The following CASP4 variants were observed in gnomAD, a reference collection of about 807,000 sequenced individuals.
The protein encoded by CASP4 is caspase 4.
CASP4 carries 29 observed loss-of-function variants against 41.3 expected under a neutral mutation model. The observed-to-expected ratio is 0.70, with a 90% CI of 0.52 to 0.96. The LOEUF (loss-of-function observed/expected upper bound fraction) is 0.96. CASP4 is among the 40% of genes least tolerant of loss of function. CASP4 has a pLI of 0.00. For missense variants in CASP4, 447 were observed against 460.6 expected, an observed-to-expected ratio of 0.97 and a Z score of 0.27; for synonymous variants, 185 against 158.4, an observed-to-expected ratio of 1.17 and a Z score of -1.26.
In CASP4 at chr11:104,952,759, A is replaced by G. The variant is rs556677579; in HGVS notation, c.263-754T>C. ...AAATGAACTTCAATTATCCCTGTGCAAATTGTAAAGCCAGCTATTTGTAAA... is the reference window on the plus strand; with the variant it reads ...AAATGAACTTCAATTATCCCTGTGCGAATTGTAAAGCCAGCTATTTGTAAA... On this transcript the variant is annotated intron_variant, in intron 2 of 8. Transcript: ENST00000444739. 3.1e-3 allele frequency among the ~76,000 whole-genome samples: 466 copies of G among 152,304 alleles called. 11 individuals are homozygous for G. The highest frequency in any genetic ancestry group is 5.6e-4 in the Non-Finnish European group (38 of 68,026).
intron 1 of CASP4, 112 bp downstream of exon 1, chr11:104,968,407 A>C: frequency 1.1e-6 from 1 of 938,680 alleles, no homozygotes; most frequent in Non-Finnish European, 1.7e-6. Flanking sequence ...TAAGAAAAGG[A>C]ATTCAACATG....
At position 104,951,099 on chromosome 11, in the gene CASP4, C is replaced by T; in HGVS notation, c.373-1G>A. 6.2e-7 allele frequency: 1 copy of T among 1,611,710 alleles called. No homozygotes were observed. The highest frequency in any genetic ancestry group is 2.2e-5 in the East Asian group (1 of 44,844). ...TGTTTCTCTCCTTTATTGGATAGAT[C>T]TGCAGGATATGGAGATGCAATAAAT... is the stretch of plus-strand genomic sequence containing the variant. On this transcript the variant is annotated splice_acceptor_variant, in intron 3 of 8. Coordinates refer to ENST00000444739, the MANE Select transcript of CASP4 (RefSeq NM_001225.4). LOFTEE classifies it high-confidence loss of function.
At chr11:104,968,016 A>G (rs1165952732) in intron 1 of CASP4, among the ~76,000 whole-genome samples, 1 of 152,196 alleles carries the variant, frequency 6.6e-6, no homozygotes, top group Non-Finnish European at 1.5e-5. Context: ...CCCATGAAAT[A>G]TTATATTAAA....
intron 1 of CASP4, among the ~76,000 whole-genome samples, chr11:104,965,258 A>G (rs1378600197): frequency 2.0e-5 from 3 of 152,214 alleles, no homozygotes; most frequent in Non-Finnish European, 4.4e-5. Context: ...TAGCAAAACT[A>G]CAGAGGAGAG....
intron 1 of CASP4, among the ~76,000 whole-genome samples, chr11:104,964,838 A>G (rs926212288): frequency 6.6e-6 from 1 of 152,224 alleles, no homozygotes; most frequent in Non-Finnish European, 1.5e-5. Context: ...ATTGGCTCTT[A>G]AAAAGTCTTA....
rs1405190654 is a variant in CASP4 at position 104,954,852 on chromosome 11, T to C, written c.157A>G (p.Lys53Glu). 2 of 1,613,928 alleles carry C rather than the reference T, an allele frequency of 1.2e-6. No homozygotes were observed. Among genetic ancestry groups the C allele is most frequent in the South Asian group, 2.2e-5 (2 of 91,076 alleles). ...ATAGAGTCTGCCATGACCCGAACTT[T>C]GTCTTCAGTTTTAGCATCGTAATAT... The part of the protein sequence containing the change: ...KKYYDAKTED[K>E]VRVMADSMQE... Residue 53 changes from lysine (K) to glutamate (E), a missense_variant, in exon 2 of 9, where the codon AAA (lysine) becomes GAA (glutamate). By Grantham distance (56) the Lys-to-Glu change is moderately conservative (BLOSUM62 1). Coordinates refer to ENST00000444739, the MANE Select transcript of CASP4 (RefSeq NM_001225.4).
rs1219048301 is a variant in CASP4, at chr11:104,947,160, A to AT, written c.957_958insA (p.Ser320IlefsTer32). 1 of 1,612,646 alleles carries AT rather than the reference A, an allele frequency of 6.2e-7. No individual in the cohort carries two copies. Among genetic ancestry groups the AT allele is most frequent in the Non-Finnish European group, 8.5e-7 (1 of 1,178,898 alleles). ...GTGATGAGTTGTGTGATGAAGATAG[A>AT]GCCCATTGTGCTGTCTCTCCAGGAC... is the stretch of plus-strand genomic sequence containing the variant. On this transcript the variant is annotated frameshift_variant, in exon 7 of 9. Transcript: ENST00000444739. LOFTEE classifies it high-confidence loss of function.
chr11:104,944,782 T>G lies in CASP4; in HGVS notation c.1105A>C (p.Arg369=). Residue 369 remains arginine (R), a synonymous_variant, in exon 8 of 9, where the codon AGA becomes CGA. Coordinates refer to ENST00000444739, the MANE Select transcript of CASP4 (RefSeq NM_001225.4). ...TTGCCAGGAAAGAGGTAGAAATATC[T>G]TGTCATGGACAGTCGTTCTATGGTG... The part of the protein sequence containing the change: ...MPTIERLSMT[R]YFYLFPGN The G allele has an allele frequency of 1.2e-6, 2 of 1,612,910 alleles. No homozygotes were observed. Among genetic ancestry groups the G allele is most frequent in the Admixed American group, 3.3e-5 (2 of 59,978 alleles).
At chr11:104,956,779 A>T in intron 1 of CASP4, 2 of 227,428 alleles carry the variant, frequency 8.8e-6, no homozygotes, top group African/African-American at 2.3e-5. Context: ...CAGTACACAG[A>T]TTAGTGTGTG....
chr11:104,965,935 C>T (rs1351104236), intron 1 of CASP4, among the ~76,000 whole-genome samples: 1 of 152,168 alleles, frequency 6.6e-6, no homozygotes, highest in East Asian at 1.9e-4. Context: ...CCATCACACC[C>T]AGGAAGAGAA....
rs565815070 is a variant in CASP4, at chr11:104,951,935, A to G, written c.333T>C (p.His111=). 13 of 1,612,348 alleles carry G rather than the reference A, an allele frequency of 8.1e-6. No homozygotes were observed. The East Asian group carries it at 2.9e-4, about 36-fold the overall frequency. Residue 111 remains histidine, a synonymous_variant, in exon 3 of 9, where the codon CAT becomes CAC. Coordinates refer to ENST00000444739, the MANE Select transcript of CASP4 (RefSeq NM_001225.4). The stretch of plus-strand genomic sequence containing the variant: ...CTTTACATAGTCTCAGGAATTCTTC[A>G]TGAGGACAAAGCTTGAGGGCATCTG... The part of the protein sequence containing the change: ...ESTDALKLCP[H]EEFLRLCKER...
intron 1 of CASP4, among the ~76,000 whole-genome samples, chr11:104,965,065 T>G (rs1860943087): frequency 6.6e-6 from 1 of 152,198 alleles, no homozygotes. Context: ...AGAAAACATA[T>G]AATATACCCA....
rs571102522 is a variant in CASP4, at chr11:104,965,391, C to T, written c.7+3128G>A. ...GTTCACTCTAATTTCCACTATGTCT[C>T]CTGTCAGCAGGAAGAAGCCAGAGTG... On this transcript the variant is annotated intron_variant, in intron 1 of 8. Transcript: ENST00000444739. 3.3e-5 allele frequency among the ~76,000 whole-genome samples: 5 copies of T among 152,320 alleles called. No individual in the cohort carries two copies. The East Asian group carries it at 9.7e-4, about 29-fold the overall frequency.
chr11:104,953,034 C>T (rs1190893675), intron 2 of CASP4, among the ~76,000 whole-genome samples: 1 of 152,084 alleles, frequency 6.6e-6, no homozygotes, highest in African/African-American at 2.4e-5. Flanking sequence ...TAGTCATCTC[C>T]TAATGATCAT....
intron 1 of CASP4, among the ~76,000 whole-genome samples, chr11:104,962,971 T>C (rs1054924894): frequency 6.6e-6 from 1 of 152,170 alleles, no homozygotes; most frequent in African/African-American, 2.4e-5. Flanking sequence ...TTGGGGAAAT[T>C]CTAAATCTTG....
At chr11:104,961,620 C>G (rs546463) in intron 1 of CASP4, among the ~76,000 whole-genome samples, 97,781 of 151,918 alleles carry the variant, frequency 0.64, 32,059 homozygotes, top group Middle Eastern at 0.82. Context: ...TCTTGGTTCA[C>G]GAGACTTGTC....
intron 2 of CASP4, among the ~76,000 whole-genome samples, chr11:104,953,527 C>A (rs972695076): frequency 6.6e-6 from 1 of 152,078 alleles, no homozygotes; most frequent in Non-Finnish European, 1.5e-5. Context: ...TGCAAAGGGA[C>A]CAGTTTAAAT....
chr11:104,950,931 T>C lies in CASP4; in HGVS notation c.540A>G (p.Thr180=). The C allele has an allele frequency of 6.2e-7, 1 of 1,610,974 alleles. No homozygotes were observed. Among genetic ancestry groups the C allele is most frequent in the Non-Finnish European group, 8.5e-7 (1 of 1,178,464 alleles). The change falls in exon 4 of 9, where the codon ACA becomes ACG. Residue 180 remains threonine (T), a synonymous_variant. Coordinates refer to ENST00000444739, the MANE Select transcript of CASP4 (RefSeq NM_001225.4). The part of the protein sequence containing the change: ...DYSVDVEENL[T]ARDMESALRA... ...GCGGCTGAGGGATTCTTACCCTGGCTGTCAGATTCTCTTCTACATCTACAC... is the reference window on the plus strand; with the variant it reads ...GCGGCTGAGGGATTCTTACCCTGGCCGTCAGATTCTCTTCTACATCTACAC...
intron 2 of CASP4, among the ~76,000 whole-genome samples, chr11:104,953,082 T>C (rs1299435689): frequency 1.3e-5 from 2 of 152,184 alleles, no homozygotes; most frequent in South Asian, 4.1e-4. Context: ...TCAGGTAAAA[T>C]TAGAAATTAG....
Sources: gnomAD v4.1 joint callset for allele counts (sites outside exome capture counted in the v4.1 genomes callset) on GRCh38, gnomAD v4.1.1 for gene constraint, MANE v1.5 for transcripts, NCBI Gene and HGNC (gene_info 2026-07-23, HGNC 2026-07-21) for gene names.